The following KCND3 variants were observed in gnomAD, a reference collection of about 807,000 sequenced individuals.
KCND3 encodes the protein potassium voltage-gated channel subfamily D member 3.
A neutral mutation model predicts 51.1 loss-of-function variants in KCND3; 9 were observed. The ratio of observed to expected loss-of-function variants is 0.18; its 90% confidence interval spans 0.11 to 0.31. KCND3 has a LOEUF of 0.31. Ranked by LOEUF, KCND3 falls within the 10% of genes least tolerant of loss-of-function variation. The pLI, the probability that KCND3 is intolerant of heterozygous loss-of-function variation, is 1.00. For missense variants in KCND3, 526 were observed against 903.8 expected (o/e 0.58, Z 5.36); for synonymous variants, 349 against 368.0 (o/e 0.95, Z 0.59).
chr1:111,891,195 T>C, intron 2 of KCND3, among the ~76,000 whole-genome samples: 1 of 152,102 alleles, frequency 6.6e-6, no homozygotes, highest in Non-Finnish European at 1.5e-5. Context: ...TTGGTGTTTG[T>C]AAAGGGTTGG....
intron 2 of KCND3, among the ~76,000 whole-genome samples, chr1:111,953,585 A>G (rs997128281): frequency 6.6e-6 from 1 of 152,210 alleles, no homozygotes; most frequent in Non-Finnish European, 1.5e-5. Flanking sequence ...AACCTGCCCA[A>G]CTGAGAAGGG....
intron 2 of KCND3, among the ~76,000 whole-genome samples, chr1:111,975,356 C>A (rs984271707): frequency 2.6e-5 from 4 of 152,144 alleles, no homozygotes; most frequent in South Asian, 2.1e-4. Context: ...TAGAGAAGAT[C>A]TTCAGGACTG....
At chr1:111,943,582 G>A (rs747193587) in intron 2 of KCND3, among the ~76,000 whole-genome samples, 12 of 152,202 alleles carry the variant, frequency 7.9e-5, no homozygotes, top group Admixed American at 2.0e-4. Flanking sequence ...TGGGCTAGCC[G>A]TTGCCCTTTC....
intron 2 of KCND3, among the ~76,000 whole-genome samples, chr1:111,970,147 G>A (rs573865548): frequency 6.6e-6 from 1 of 151,998 alleles, no homozygotes; most frequent in East Asian, 1.9e-4. Flanking sequence ...CTGCTGAGTA[G>A]CTGGGATTAC....
At chr1:111,848,739 C>G (rs1458947123) in intron 2 of KCND3, among the ~76,000 whole-genome samples, 1 of 152,180 alleles carries the variant, frequency 6.6e-6, no homozygotes, top group Non-Finnish European at 1.5e-5. Flanking sequence ...TTTCACCTCT[C>G]CAAGCTTCCA....
At chr1:111,874,663 C>T (rs1466217619) in intron 2 of KCND3, among the ~76,000 whole-genome samples, 2 of 152,196 alleles carry the variant, frequency 1.3e-5, no homozygotes, top group African/African-American at 4.8e-5. Flanking sequence ...GTGATCATTG[C>T]CTGAGCAAGG....
intron 2 of KCND3, among the ~76,000 whole-genome samples, chr1:111,873,617 C>T (rs930046160): frequency 2.6e-5 from 4 of 152,026 alleles, no homozygotes; most frequent in African/African-American, 9.7e-5. Context: ...CAGCTGCAGA[C>T]CTAGCCCAGG....
intron 2 of KCND3, among the ~76,000 whole-genome samples, chr1:111,795,384 A>G (rs932244559): frequency 1.3e-5 from 2 of 152,264 alleles, no homozygotes; most frequent in Non-Finnish European, 2.9e-5. Flanking sequence ...AAGGTAATCT[A>G]ATAATAATCA....
chr1:111,972,107 T>A (rs1188899282), intron 2 of KCND3, among the ~76,000 whole-genome samples: 8 of 152,046 alleles, frequency 5.3e-5, no homozygotes, highest in Admixed American at 2.0e-4. Flanking sequence ...TTTTAGGCTC[T>A]CTGCATCTCT....
chr1:111,945,891 CA>C (rs1672755937), intron 2 of KCND3, among the ~76,000 whole-genome samples: 1 of 152,204 alleles, frequency 6.6e-6, no homozygotes, highest in Non-Finnish European at 1.5e-5. Context: ...GTGCAAGGAG[CA>C]TGGGCTTTGG....
intron 2 of KCND3, among the ~76,000 whole-genome samples, chr1:111,859,752 A>G (rs1253775777): frequency 1.3e-5 from 2 of 152,210 alleles, no homozygotes; most frequent in African/African-American, 2.4e-5. Context: ...AGCCCTATTA[A>G]AACAACAAAA....
At chr1:111,962,967 T>C (rs146097089) in intron 2 of KCND3, among the ~76,000 whole-genome samples, 1 of 152,242 alleles carries the variant, frequency 6.6e-6, no homozygotes, top group African/African-American at 2.4e-5. Flanking sequence ...ACCACCACCA[T>C]TTGAAGGATC....
At chr1:111,904,548 G>T (rs1479920332) in intron 2 of KCND3, among the ~76,000 whole-genome samples, 1 of 152,178 alleles carries the variant, frequency 6.6e-6, no homozygotes, top group African/African-American at 2.4e-5. Flanking sequence ...GCCTTCCCAT[G>T]CTGAGCTGGA....
chr1:111,935,257 C>T (rs1672163729), intron 2 of KCND3, among the ~76,000 whole-genome samples: 1 of 152,146 alleles, frequency 6.6e-6, no homozygotes, highest in Non-Finnish European at 1.5e-5. Context: ...ATCAACCAAA[C>T]CCTTTCAAAC....
chr1:111,779,259 A>C (rs1254450954), intron 5 of KCND3, among the ~76,000 whole-genome samples: 2 of 152,014 alleles, frequency 1.3e-5, no homozygotes, highest in Non-Finnish European at 2.9e-5. Flanking sequence ...CAGGAGTTTT[A>C]AGACCAGCCT....
chr1:111,982,797 C>G lies in KCND3; in HGVS notation c.-71G>C. 1 of 1,542,504 alleles carries G rather than the reference C, an allele frequency of 6.5e-7. No homozygotes were observed. The highest frequency in any genetic ancestry group is 1.4e-5 in the African/African-American group (1 of 73,398). ...ACCAGCTTGGAGTTAGTTCAGCAAACCCTGGGAGACAGGAGGGGAGAGAGA... is the reference window on the plus strand; with the variant it reads ...ACCAGCTTGGAGTTAGTTCAGCAAAGCCTGGGAGACAGGAGGGGAGAGAGA... On this transcript the variant is annotated splice_region_variant and 5_prime_UTR_variant, in exon 2 of 8. Coordinates refer to ENST00000302127, the MANE Select transcript of KCND3 (RefSeq NM_001378969.1). This position sits in a 1 kb window ranked among gnomAD's most constrained non-coding sequence, Gnocchi z 8.5.
chr1:111,826,695 A>G (rs1666590896), intron 2 of KCND3, among the ~76,000 whole-genome samples: 1 of 152,236 alleles, frequency 6.6e-6, no homozygotes, highest in Non-Finnish European at 1.5e-5. Context: ...TCAGGGTTTC[A>G]ATAGGACAGT....
intron 2 of KCND3, among the ~76,000 whole-genome samples, chr1:111,945,956 G>C (rs1221037874): frequency 6.6e-6 from 1 of 152,166 alleles, no homozygotes; most frequent in African/African-American, 2.4e-5. Flanking sequence ...TACTAGCCCT[G>C]TGACCTCAGA....
At chr1:111,903,647 T>C (rs1557709169) in intron 2 of KCND3, among the ~76,000 whole-genome samples, 2 of 152,216 alleles carry the variant, frequency 1.3e-5, no homozygotes. Flanking sequence ...GTGACATCTC[T>C]GAAAGAATGC....
Sources: gnomAD v4.1 joint callset for allele counts (sites outside exome capture counted in the v4.1 genomes callset) on GRCh38, gnomAD v4.1.1 for gene constraint, Gnocchi (gnomAD v3.1) non-coding constraint, MANE v1.5 for transcripts, NCBI Gene and HGNC (gene_info 2026-07-23, HGNC 2026-07-21) for gene names.